Variants in MAPRE2 observed in about 807,000 individuals in gnomAD.
The protein encoded by MAPRE2 is microtubule-associated protein RP/EB family member 2.
A neutral mutation model predicts 43.2 loss-of-function variants in MAPRE2; 13 were observed. The observed-to-expected ratio is 0.30, with a 90% CI of 0.20 to 0.48. MAPRE2 has a LOEUF of 0.48. Among genes scored for constraint, MAPRE2 ranks in the 20% least tolerant of loss-of-function variants. The pLI, the probability that MAPRE2 is intolerant of heterozygous loss-of-function variation, is 0.99. For synonymous variants in MAPRE2, 135 were observed against 148.8 expected (o/e 0.91, Z 0.68); for missense variants, 161 against 400.2 (o/e 0.40, Z 5.10).
rs543395678 is a variant in MAPRE2, at chr18:35,022,570, C to T, written c.-8+17017C>T. On this transcript the variant is annotated intron_variant, in intron 2 of 7. Transcript: ENST00000413393. The stretch of plus-strand genomic sequence containing the variant: ...TTGATGTTTTCATTGGAACATTCTT[C>T]GGGTTGCAAGATTTAATGAGAGGAT... 7.2e-5 allele frequency among the ~76,000 whole-genome samples: 11 copies of T among 152,188 alleles called. No individual in the cohort carries two copies. The South Asian group carries it at 1.2e-3, about 17-fold the overall frequency.
At chr18:35,014,951 G>T (rs2097037225) in intron 2 of MAPRE2, among the ~76,000 whole-genome samples, 1 of 152,036 alleles carries the variant, frequency 6.6e-6, no homozygotes, top group South Asian at 2.1e-4. Flanking sequence ...ATTTTTGCTA[G>T]CCAAAATGTC....
intron 4 of MAPRE2, among the ~76,000 whole-genome samples, chr18:35,102,917 A>G (rs1039403776): frequency 2.0e-5 from 3 of 152,188 alleles, no homozygotes; most frequent in African/African-American, 4.8e-5. Flanking sequence ...TGTGGAACCC[A>G]GTGTTCAAAC....
At chr18:35,129,968 T>C (rs1910073990) in intron 5 of MAPRE2, among the ~76,000 whole-genome samples, 1 of 152,208 alleles carries the variant, frequency 6.6e-6, no homozygotes, top group Non-Finnish European at 1.5e-5. Flanking sequence ...TGGTTTTTAC[T>C]AGGGAATGTT....
chr18:35,058,388 G>A (rs1906345455), intron 1 of MAPRE2, among the ~76,000 whole-genome samples: 1 of 152,072 alleles, frequency 6.6e-6, no homozygotes, highest in South Asian at 2.1e-4. Context: ...TCTAAGAGTA[G>A]AATACTGAGA....
chr18:35,043,441 G>C (rs1905464984), intron 1 of MAPRE2, among the ~76,000 whole-genome samples: 1 of 152,174 alleles, frequency 6.6e-6, no homozygotes, highest in Admixed American at 6.5e-5. Flanking sequence ...TGAAACGGCA[G>C]TGGAAAATCA....
chr18:34,994,400 C>CT (rs34555170), intron 1 of MAPRE2, among the ~76,000 whole-genome samples: 28,278 of 148,972 alleles, frequency 0.19, 2,703 homozygotes, highest in East Asian at 0.24. Flanking sequence ...CTGTTTTTTG[C>CT]TTTTTTTTTT....
intron 1 of MAPRE2, among the ~76,000 whole-genome samples, chr18:35,050,303 G>C (rs1263434518): frequency 2.6e-5 from 4 of 152,152 alleles, no homozygotes; most frequent in African/African-American, 9.7e-5. Flanking sequence ...ACATCTGATA[G>C]ATACTCATGA....
At chr18:35,105,422 T>TG (rs1356334150) in intron 4 of MAPRE2, among the ~76,000 whole-genome samples, 5 of 152,022 alleles carry the variant, frequency 3.3e-5, no homozygotes, top group African/African-American at 1.2e-4. Flanking sequence ...AAAACTATAC[T>TG]GGGGGTATAT....
At chr18:35,096,794 GTAATACT>G (rs144958197) in intron 2 of MAPRE2, among the ~76,000 whole-genome samples, 25 of 104,024 alleles carry the variant, frequency 2.4e-4, no homozygotes, top group Admixed American at 1.5e-3. Context: ...ATAAGTATAA[GTAATACT>G]TAATACTTAA....
At chr18:35,079,957 G>C (rs1907553768) in intron 2 of MAPRE2, among the ~76,000 whole-genome samples, 1 of 152,200 alleles carries the variant, frequency 6.6e-6, no homozygotes, top group Non-Finnish European at 1.5e-5. Flanking sequence ...ATTCAAGGCA[G>C]CGAAAGAGGG....
intron 1 of MAPRE2, among the ~76,000 whole-genome samples, chr18:34,986,051 A>G (rs1222861358): frequency 6.6e-6 from 1 of 152,118 alleles, no homozygotes; most frequent in East Asian, 1.9e-4. Context: ...TATTATAAAC[A>G]TCATGGCAGG....
intron 2 of MAPRE2, among the ~76,000 whole-genome samples, chr18:35,078,849 C>T (rs1417453485): frequency 6.6e-6 from 1 of 152,204 alleles, no homozygotes; most frequent in Non-Finnish European, 1.5e-5. Flanking sequence ...TCATCAAGAA[C>T]TTTCTTACCA....
rs1905634581 is a variant in MAPRE2, at chr18:35,046,629, C to T, written c.122+4968C>T. Among the ~76,000 whole-genome samples, 3 of 152,336 alleles carry T rather than the reference C, an allele frequency of 2.0e-5. No homozygotes were observed. The South Asian group carries it at 6.2e-4, about 32-fold the overall frequency. On this transcript the variant is annotated intron_variant, in intron 1 of 6. Transcript: ENST00000300249. ...ATAGTGTAATGAAAACAGATGCCTA[C>T]TGCAGTGGATCTTCAGTTTTGAAAT... is the stretch of plus-strand genomic sequence containing the variant.
intron 4 of MAPRE2, among the ~76,000 whole-genome samples, chr18:35,105,382 T>A (rs769796087): frequency 2.6e-5 from 4 of 152,118 alleles, no homozygotes; most frequent in African/African-American, 4.8e-5. Context: ...TAATAAAATA[T>A]GCTCTGATTT....
chr18:35,089,873 A>G (rs1908060438), intron 2 of MAPRE2, among the ~76,000 whole-genome samples: 2 of 152,250 alleles, frequency 1.3e-5, no homozygotes, highest in South Asian at 2.1e-4. Context: ...TAGTCCAAAC[A>G]TAAAAGCAAT....
chr18:35,106,989 C>G (rs973209171), intron 4 of MAPRE2, among the ~76,000 whole-genome samples: 5 of 152,144 alleles, frequency 3.3e-5, no homozygotes, highest in African/African-American at 1.2e-4. Flanking sequence ...TGTGTGAACA[C>G]TTACTAAACA....
chr18:35,029,081 T>C (rs1169586154), intron 2 of MAPRE2, among the ~76,000 whole-genome samples: 1 of 152,210 alleles, frequency 6.6e-6, no homozygotes, highest in Non-Finnish European at 1.5e-5. Flanking sequence ...TCAATGTGAA[T>C]TGAGAATAGG....
At chr18:35,075,253 C>G (rs1468786167) in intron 2 of MAPRE2, among the ~76,000 whole-genome samples, 1 of 152,288 alleles carries the variant, frequency 6.6e-6, no homozygotes, top group Non-Finnish European at 1.5e-5. Context: ...TGCTCCGGGC[C>G]CCACCCTGAT....
intron 1 of MAPRE2, among the ~76,000 whole-genome samples, chr18:35,001,942 T>C (rs139903681): frequency 1.3e-4 from 20 of 152,354 alleles, no homozygotes; most frequent in African/African-American, 4.8e-4. Context: ...CCATATATTC[T>C]TTATCTAATC....
Sources: gnomAD v4.1 joint callset for allele counts (sites outside exome capture counted in the v4.1 genomes callset) on GRCh38, gnomAD v4.1.1 for gene constraint, MANE v1.5 for transcripts, NCBI Gene and HGNC (gene_info 2026-07-23, HGNC 2026-07-21) for gene names.